The following HNF4A variants were observed in gnomAD, a reference collection of about 807,000 sequenced individuals.
The protein encoded by HNF4A is hepatocyte nuclear factor 4-alpha.
Under a neutral mutation model 52.4 loss-of-function variants are expected in HNF4A, and 15 were observed. The ratio of observed to expected loss-of-function variants is 0.29; its 90% CI spans 0.19 to 0.44. HNF4A has a LOEUF of 0.44. HNF4A is among the 20% of genes least tolerant of loss of function. The pLI, the probability that HNF4A is intolerant of heterozygous loss-of-function variation, is 1.00. For synonymous variants in HNF4A, 280 were observed against 264.4 expected, an observed-to-expected ratio of 1.06 and a Z score of -0.57; for missense variants, 479 against 647.2, an observed-to-expected ratio of 0.74 and a Z score of 2.82.
intron 1 of HNF4A, among the ~76,000 whole-genome samples, chr20:44,383,918 T>C (rs1326050586): frequency 2.0e-4 from 30 of 151,968 alleles, no homozygotes; most frequent in African/African-American, 7.0e-4. Flanking sequence ...TGGAGCGATC[T>C]CGGCTCACTG....
rs7271766 is a variant in HNF4A at position 44,376,385 on chromosome 20, G to A, written c.49+20532G>A. Among the ~76,000 whole-genome samples, 818 of 152,226 alleles carry A rather than the reference G, an allele frequency of 5.4e-3. 6 individuals carry two copies. The highest frequency in any genetic ancestry group is 0.016 in the African/African-American group (672 of 41,524). On this transcript the variant is annotated intron_variant, in intron 1 of 9. Coordinates refer to the HNF4A transcript ENST00000316673. ...AAATTATACTACCAAATTGTCTGTC[G>A]CTGGTATGTAGGAAGATGGTTGACT... is the stretch of plus-strand genomic sequence containing the variant.
chr20:44,432,558 C>T lies in HNF4A; in HGVS notation c.*2893C>T, dbSNP rs1172250601. On this transcript the variant is annotated 3_prime_UTR_variant, in exon 10 of 10. Transcript: ENST00000316099. Reference sequence around the variant, plus strand: ...GAGGAGAGGGTCAGAAATGAACGCTCTTCTATTTCTTGTCATTACCAAGCC... The same window carrying T: ...GAGGAGAGGGTCAGAAATGAACGCTTTTCTATTTCTTGTCATTACCAAGCC... 6.6e-6 allele frequency: 1 copy of T among 151,872 alleles called. No individual in the cohort carries two copies. Among genetic ancestry groups the T allele is most frequent in the Non-Finnish European group, 1.5e-5 (1 of 67,978 alleles). 9.4% of individuals were successfully genotyped at this position (151,872 alleles called of 1,614,324 possible). A position where few individuals can be genotyped will look rare whatever the true frequency, so the allele number is the denominator to read the frequency against.
chr20:44,400,775 G>A (rs2063397156), upstream of HNF4A, among the ~76,000 whole-genome samples: 1 of 152,234 alleles, frequency 6.6e-6, no homozygotes, highest in Admixed American at 6.5e-5. Flanking sequence ...GGAGCTCCCA[G>A]AACAAGGATC....
chr20:44,371,510 G>A (rs1320405221), intron 1 of HNF4A, among the ~76,000 whole-genome samples: 1 of 152,026 alleles, frequency 6.6e-6, no homozygotes, highest in Admixed American at 6.6e-5. Flanking sequence ...AACACAGCAA[G>A]ATTCTGTCTC....
chr20:44,368,955 T>A (rs79598756), intron 1 of HNF4A, among the ~76,000 whole-genome samples: 2,865 of 151,952 alleles, frequency 0.019, 102 homozygotes, highest in African/African-American at 0.066. Context: ...TGTTTAGAAA[T>A]ACAAACAAGA....
Position 44,407,698 on chromosome 20 carries a change from C to T in HNF4A, c.385+223C>T, listed in dbSNP as rs539921424. Among the ~76,000 whole-genome samples the T allele has an allele frequency of 2.0e-5, 3 of 152,204 alleles. No individual in the cohort carries two copies. The East Asian group carries it at 5.8e-4, about 29-fold the overall frequency. On this transcript the variant is annotated intron_variant, in intron 3 of 9. Transcript: ENST00000316099. The stretch of plus-strand genomic sequence containing the variant: ...AGATAAGCTCCCACTCTTGGCTCCT[C>T]AGGCTCCCAGCAACCACCACCCCTG...
chr20:44,406,563 G>A (rs1352887285), intron 2 of HNF4A, among the ~76,000 whole-genome samples: 1 of 152,154 alleles, frequency 6.6e-6, no homozygotes, highest in African/African-American at 2.4e-5. Context: ...CTCAGTAGAT[G>A]AGCCCGTCTT....
chr20:44,364,289 G>C lies in HNF4A; in HGVS notation c.49+8436G>C, dbSNP rs566047493. ...ACTCCTGGGCTCAAGCAATCCTCCC[G>C]CCTCAGCCTCCCAGCCCCTGGGATT... is the stretch of plus-strand genomic sequence containing the variant. On this transcript the variant is annotated intron_variant, in intron 1 of 9. Coordinates refer to the HNF4A transcript ENST00000316673. Among the ~76,000 whole-genome samples the C allele has an allele frequency of 2.2e-3, 329 of 151,976 alleles. 2 individuals carry two copies. Among genetic ancestry groups the C allele is most frequent in the Admixed American group, 5.4e-3 (82 of 15,228 alleles).
intron 1 of HNF4A, among the ~76,000 whole-genome samples, chr20:44,375,157 C>T (rs1182807128): frequency 1.3e-5 from 2 of 151,458 alleles, no homozygotes; most frequent in Non-Finnish European, 2.9e-5. Flanking sequence ...ATTTTTTCAT[C>T]TTTGTTGGCC....
intron 4 of HNF4A, 79 bp downstream of exon 4, chr20:44,413,879 C>A: frequency 1.0e-6 from 1 of 955,964 alleles, no homozygotes; most frequent in South Asian, 1.4e-5. Context: ...CCATTCTCCC[C>A]AGCCAGGCCC....
At chr20:44,417,424 C>T (rs143940691) in intron 5 of HNF4A, among the ~76,000 whole-genome samples, 279 of 152,304 alleles carry the variant, frequency 1.8e-3, no homozygotes, top group African/African-American at 6.5e-3. Flanking sequence ...CAAGCTGATT[C>T]TCTGCCAGGG....
chr20:44,404,533 CTGTG>C (rs1235274286), intron 1 of HNF4A, among the ~76,000 whole-genome samples: 4 of 150,672 alleles, frequency 2.7e-5, no homozygotes, highest in Non-Finnish European at 4.4e-5. Flanking sequence ...TGTGTGTGGA[CTGTG>C]TGTATGTGTA....
rs2063877344 is a variant in HNF4A, at chr20:44,431,494, T to C, written c.*1829T>C. On this transcript the variant is annotated 3_prime_UTR_variant, in exon 10 of 10. Transcript: ENST00000316099. Reference sequence around the variant, plus strand: ...CTCATCTGGCCTGTTGGCATGGGGGTGGGACAGTGTGCACAGTGTGGGGGC... The same window carrying C: ...CTCATCTGGCCTGTTGGCATGGGGGCGGGACAGTGTGCACAGTGTGGGGGC... 1 of 149,940 alleles carries C rather than the reference T, an allele frequency of 6.7e-6. No individual in the cohort carries two copies. Among genetic ancestry groups the C allele is most frequent in the Non-Finnish European group, 1.5e-5 (1 of 67,546 alleles). The allele number at this position is 149,940 out of a possible 1,614,324, so 9.3% of individuals were successfully genotyped here.
intron 1 of HNF4A, chr20:44,402,575 G>A (rs573523251): frequency 7.3e-6 from 10 of 1,365,504 alleles, no homozygotes; most frequent in South Asian, 6.8e-5. Flanking sequence ...GCTGCGTCTC[G>A]CCAGATTGAG....
At chr20:44,359,429 C>T (rs1351117015) in intron 1 of HNF4A, among the ~76,000 whole-genome samples, 1 of 152,322 alleles carries the variant, frequency 6.6e-6, no homozygotes, top group East Asian at 1.9e-4. Context: ...TCCCCAGAAA[C>T]CTCCTGGCAG....
At chr20:44,359,162 T>C (rs549520356) in intron 1 of HNF4A, among the ~76,000 whole-genome samples, 4 of 152,222 alleles carry the variant, frequency 2.6e-5, no homozygotes, top group African/African-American at 9.6e-5. Context: ...TAAGCATTTG[T>C]TGGATGAGTG....
Position 44,407,421 on chromosome 20 carries a change from C to A in HNF4A, c.331C>A (p.Gln111Lys). Reference sequence around the variant, plus strand: ...CGTGGTGGACAAAGACAAGAGGAACCAGTGCCGCTACTGCAGGCTCAAGAA... The same window carrying A: ...CGTGGTGGACAAAGACAAGAGGAACAAGTGCCGCTACTGCAGGCTCAAGAA... Residue 111 changes from glutamine (Q) to lysine (K), a missense_variant, in exon 3 of 10, where the codon CAG becomes AAG. Transcript: ENST00000316099. The A allele has an allele frequency of 6.2e-7, 1 of 1,611,510 alleles. No homozygotes were observed. Among genetic ancestry groups the A allele is most frequent in the East Asian group, 2.2e-5 (1 of 44,822 alleles).
chr20:44,375,985 G>A (rs530931895), intron 1 of HNF4A, among the ~76,000 whole-genome samples: 40 of 151,936 alleles, frequency 2.6e-4, no homozygotes, highest in African/African-American at 9.4e-4. Flanking sequence ...GGTGGCTCAT[G>A]CCTGTAATCC....
chr20:44,378,464 C>T (rs180764480), intron 1 of HNF4A, among the ~76,000 whole-genome samples: 10 of 152,096 alleles, frequency 6.6e-5, no homozygotes, highest in Admixed American at 1.3e-4. Flanking sequence ...GACAGGGTTT[C>T]ACTATGTTGC....
Sources: allele counts gnomAD v4.1 joint callset (sites outside exome capture counted in the v4.1 genomes callset), GRCh38; gene constraint gnomAD v4.1.1; transcripts MANE v1.5; gene names NCBI Gene and HGNC (gene_info 2026-07-23, HGNC 2026-07-21).